CCDC25: variants seen among roughly 807,000 people sequenced by gnomAD.
CCDC25 encodes the protein coiled-coil domain containing 25.
A neutral mutation model predicts 35.3 loss-of-function variants in CCDC25; 16 were observed. That is an observed-to-expected ratio of 0.45 (90% confidence interval 0.31 to 0.69). The LOEUF is 0.69. CCDC25 is among the 30% of genes least tolerant of loss of function. The pLI is 0.06. For missense variants in CCDC25, 179 were observed against 250.7 expected (o/e 0.71, Z 1.93); for synonymous variants, 79 against 80.3 (o/e 0.98, Z 0.09).
intron 2 of CCDC25, among the ~76,000 whole-genome samples, chr8:27,763,644 G>A (rs1292392502): frequency 6.6e-6 from 1 of 152,190 alleles, no homozygotes; most frequent in Non-Finnish European, 1.5e-5. Context: ...CTTGAATCCA[G>A]GAGGTGAAGG....
In CCDC25 at chr8:27,737,878, A is replaced by G. The variant is rs1200729687; in HGVS notation, c.598-1633T>C. Among the ~76,000 whole-genome samples the G allele has an allele frequency of 1.6e-5, 2 of 128,372 alleles. No individual in the cohort carries two copies. Among genetic ancestry groups the G allele is most frequent in the East Asian group, 4.0e-4 (2 of 4,994 alleles). 84.2% of individuals were successfully genotyped at this position (128,372 alleles called of 152,430 possible). On this transcript the variant is annotated intron_variant, in intron 8 of 8. Transcript: ENST00000356537. The surrounding 1 kb of genome is among the most constrained non-coding windows in gnomAD (Gnocchi z 4.6). ...TAAAGAAACTGTGGTGTGTGTATACACACACTCACACACACACACACACAC... is the reference window on the plus strand; with the variant it reads ...TAAAGAAACTGTGGTGTGTGTATACGCACACTCACACACACACACACACAC...
Position 27,756,980 on chromosome 8 carries a change from G to A in CCDC25, c.117-210C>T, listed in dbSNP as rs549323929. ...GAGAAACACTGAATTATGGAGCTGTGAGTAAGTGCCAAGATGAGTAGAGAT... is the reference window on the plus strand; with the variant it reads ...GAGAAACACTGAATTATGGAGCTGTAAGTAAGTGCCAAGATGAGTAGAGAT... On this transcript the variant is annotated intron_variant, in intron 3 of 8. Transcript: ENST00000356537. Among the ~76,000 whole-genome samples the A allele has an allele frequency of 2.6e-5, 4 of 152,304 alleles. No individual in the cohort carries two copies. In the East Asian group the frequency reaches 7.7e-4, roughly 29 times the overall value.
intron 7 of CCDC25, among the ~76,000 whole-genome samples, chr8:27,744,766 T>C (rs957667906): frequency 1.3e-5 from 2 of 152,224 alleles, no homozygotes; most frequent in South Asian, 2.1e-4. Flanking sequence ...GGAAGCACGA[T>C]AGACTATTGG....
At chr8:27,763,297 C>T in intron 2 of CCDC25, among the ~76,000 whole-genome samples, 1 of 152,142 alleles carries the variant, frequency 6.6e-6, no homozygotes. Flanking sequence ...AGTGAATGCA[C>T]ATTTTTTAAG....
At chr8:27,752,418 G>T in intron 5 of CCDC25, 94 bp downstream of exon 5, 1 of 948,710 alleles carries the variant, frequency 1.1e-6, no homozygotes, top group South Asian at 1.4e-5. Context: ...CTTTGATGGA[G>T]GCCAAAGTCA....
At chr8:27,743,633 C>T (rs532614220) in intron 7 of CCDC25, among the ~76,000 whole-genome samples, 1 of 152,214 alleles carries the variant, frequency 6.6e-6, no homozygotes, top group Non-Finnish European at 1.5e-5. Context: ...GTGGCTTATG[C>T]CTTTAATCCC....
At chr8:27,764,211 G>A (rs1164584942) in intron 2 of CCDC25, 1 of 154,228 alleles carries the variant, frequency 6.5e-6, no homozygotes, top group East Asian at 1.9e-4. Context: ...GGCAACCTAG[G>A]AAAAGTTGAT....
rs1803283662 is a variant in CCDC25, at chr8:27,737,721, T to C, written c.598-1476A>G. ...CTACCATTTGATCCAGCAATCCCAC[T>C]ACTGGGTATCTACCCAGAGGAAAAG... On this transcript the variant is annotated intron_variant, in intron 8 of 8. Transcript: ENST00000356537. This position sits in a 1 kb window ranked among gnomAD's most constrained non-coding sequence, Gnocchi z 4.6. Among the ~76,000 whole-genome samples the C allele has an allele frequency of 6.6e-6, 1 of 152,290 alleles. No homozygotes were observed. The highest frequency in any genetic ancestry group is 1.9e-4 in the East Asian group (1 of 5,178).
intron 7 of CCDC25, among the ~76,000 whole-genome samples, chr8:27,741,045 T>C (rs1203397151): frequency 6.6e-6 from 1 of 152,206 alleles, no homozygotes; most frequent in African/African-American, 2.4e-5. Context: ...ACAGAGATGG[T>C]ATCTTTAATG....
At chr8:27,739,540 TA>T (rs1456694797) in intron 8 of CCDC25, among the ~76,000 whole-genome samples, 3 of 151,834 alleles carry the variant, frequency 2.0e-5, no homozygotes, top group Non-Finnish European at 2.9e-5. Flanking sequence ...TAATATAAAT[TA>T]AAAAAATACA....
chr8:27,738,211 A>G (rs540096500), intron 8 of CCDC25, among the ~76,000 whole-genome samples: 1 of 152,214 alleles, frequency 6.6e-6, no homozygotes, highest in South Asian at 2.1e-4. Context: ...AATTACCTCT[A>G]AAGAACTTAC....
chr8:27,761,222 T>C (rs1335752413), intron 3 of CCDC25, among the ~76,000 whole-genome samples: 1 of 151,942 alleles, frequency 6.6e-6, no homozygotes, highest in East Asian at 1.9e-4. Context: ...GTGTCCACAT[T>C]TGGAGAAAAG....
intron 1 of CCDC25, among the ~76,000 whole-genome samples, chr8:27,765,707 G>A (rs2128947113): frequency 6.6e-6 from 1 of 152,168 alleles, no homozygotes; most frequent in East Asian, 1.9e-4. Context: ...GTGCATAATT[G>A]TTTTTAGCCA....
At chr8:27,746,169 T>A (rs1803595922) in intron 7 of CCDC25, among the ~76,000 whole-genome samples, 1 of 152,228 alleles carries the variant, frequency 6.6e-6, no homozygotes, top group Non-Finnish European at 1.5e-5. Flanking sequence ...TGAATAAAAA[T>A]TACTTTAAAA....
At chr8:27,741,447 A>G (rs550710181) in intron 7 of CCDC25, among the ~76,000 whole-genome samples, 1 of 152,326 alleles carries the variant, frequency 6.6e-6, no homozygotes, top group Admixed American at 6.5e-5. Context: ...GTGGGAGGCC[A>G]ACGCGGGCAG....
rs558985390 is a variant in CCDC25, at chr8:27,757,834, A to G, written c.117-1064T>C. The stretch of plus-strand genomic sequence containing the variant: ...GGGCCTGGTGGGAGGTGACTGGATC[A>G]TGGGGGTGGATTCTTCATGAATGGG... On this transcript the variant is annotated intron_variant, in intron 3 of 8. Transcript: ENST00000356537. Among the ~76,000 whole-genome samples, 4 of 152,266 alleles carry G rather than the reference A, an allele frequency of 2.6e-5. No individual in the cohort carries two copies. In the East Asian group the frequency reaches 7.7e-4, roughly 29 times the overall value.
intron 2 of CCDC25, among the ~76,000 whole-genome samples, chr8:27,763,631 T>C (rs1221385927): frequency 1.3e-5 from 2 of 152,094 alleles, no homozygotes; most frequent in Admixed American, 1.3e-4. Context: ...GGTGGGAGAA[T>C]TGCTTGAATC....
chr8:27,763,869 A>G (rs1055824005), intron 2 of CCDC25, among the ~76,000 whole-genome samples: 2 of 152,244 alleles, frequency 1.3e-5, no homozygotes, highest in African/African-American at 2.4e-5. Flanking sequence ...AAAGGCACTC[A>G]TAACAGTCGT....
Position 27,772,592 on chromosome 8 carries a change from A to T in CCDC25, c.-52T>A. Reference sequence around the variant, plus strand: ...ACCGCGGAGCAGCAGCGCTCAACTCACGAAGCTCAGGATACCAGACTCGCG... The same window carrying T: ...ACCGCGGAGCAGCAGCGCTCAACTCTCGAAGCTCAGGATACCAGACTCGCG... On this transcript the variant is annotated 5_prime_UTR_variant, in exon 1 of 9. Coordinates refer to ENST00000356537, the MANE Select transcript of CCDC25 (RefSeq NM_018246.3). 6.5e-7 allele frequency: 1 copy of T among 1,536,136 alleles called. No individual in the cohort carries two copies. The highest frequency in any genetic ancestry group is 8.8e-7 in the Non-Finnish European group (1 of 1,136,144).
Sources: allele counts gnomAD v4.1 joint callset (sites outside exome capture counted in the v4.1 genomes callset), GRCh38; gene constraint gnomAD v4.1.1; non-coding constraint Gnocchi (gnomAD v3.1); transcripts MANE v1.5; gene names NCBI Gene and HGNC (gene_info 2026-07-23, HGNC 2026-07-21).